Variants in INPP4B observed in about 807,000 individuals in gnomAD.
The protein encoded by INPP4B is inositol polyphosphate-4-phosphatase type II B.
In INPP4B, 55 loss-of-function variants were observed where a neutral mutation model predicts 122.5. That is an observed-to-expected ratio of 0.45 (90% CI 0.36 to 0.56). The LOEUF (loss-of-function observed/expected upper bound fraction) is 0.56. Among genes scored for constraint, INPP4B ranks in the 20% least tolerant of loss-of-function variants. INPP4B has a pLI of 0.00. For synonymous variants in INPP4B, 403 were observed against 388.7 expected (o/e 1.04, Z -0.43); for missense variants, 1,000 against 1,097.7 (o/e 0.91, Z 1.26).
chr4:142,447,794 G>A (rs978154433), intron 3 of INPP4B, among the ~76,000 whole-genome samples: 3 of 152,120 alleles, frequency 2.0e-5, no homozygotes, highest in East Asian at 1.9e-4. Flanking sequence ...CTTGTGGCAC[G>A]AGGAAAATGG....
intron 15 of INPP4B, among the ~76,000 whole-genome samples, chr4:142,181,749 A>C (rs1830861915): frequency 6.6e-6 from 1 of 152,116 alleles, no homozygotes; most frequent in South Asian, 2.1e-4. Context: ...ATTCCTAAAA[A>C]AGTGGTGTTC....
intron 7 of INPP4B, among the ~76,000 whole-genome samples, chr4:142,353,408 G>A (rs901676766): frequency 6.6e-6 from 1 of 151,958 alleles, no homozygotes; most frequent in Non-Finnish European, 1.5e-5. Flanking sequence ...GATCCAACTG[G>A]TCAGATTCCA....
intron 15 of INPP4B, among the ~76,000 whole-genome samples, chr4:142,184,476 C>T (rs113770758): frequency 1.3e-5 from 2 of 152,142 alleles, no homozygotes; most frequent in Non-Finnish European, 2.9e-5. Context: ...GTGTCTGCTA[C>T]CTAATTCTAT....
At chr4:142,246,131 C>T (rs115764661) in intron 11 of INPP4B, among the ~76,000 whole-genome samples, 2,287 of 144,878 alleles carry the variant, frequency 0.016, 169 homozygotes, top group African/African-American at 0.059. Flanking sequence ...TATGTATACA[C>T]ACACATATAT....
intron 2 of INPP4B, among the ~76,000 whole-genome samples, chr4:142,479,490 A>G (rs181814246): frequency 6.6e-6 from 1 of 152,266 alleles, no homozygotes; most frequent in African/African-American, 2.4e-5. Context: ...AAATTATTCT[A>G]CGATAAACAC....
At chr4:142,718,137 T>C (rs1764042811) in intron 2 of INPP4B, among the ~76,000 whole-genome samples, 1 of 151,604 alleles carries the variant, frequency 6.6e-6, no homozygotes, top group Non-Finnish European at 1.5e-5. Flanking sequence ...GTTGAGAAAA[T>C]TTAGAATGCA....
chr4:142,500,317 C>T (rs1020840506), intron 2 of INPP4B, among the ~76,000 whole-genome samples: 2 of 152,112 alleles, frequency 1.3e-5, no homozygotes, highest in African/African-American at 2.4e-5. Context: ...GACTCCTTGC[C>T]CCTGAGGCCA....
intron 7 of INPP4B, among the ~76,000 whole-genome samples, chr4:142,359,584 C>G (rs1488120721): frequency 1.3e-5 from 2 of 151,816 alleles, no homozygotes; most frequent in East Asian, 3.9e-4. Context: ...AAAGGAAAAA[C>G]AAAGCAGTAA....
chr4:142,095,368 A>G (rs189699116), intron 23 of INPP4B, among the ~76,000 whole-genome samples: 2 of 152,326 alleles, frequency 1.3e-5, no homozygotes, highest in Non-Finnish European at 2.9e-5. Context: ...GTGGATCTAA[A>G]AAGTGAAATA....
chr4:142,764,964 A>G (rs1229802971), intron 1 of INPP4B, among the ~76,000 whole-genome samples: 1 of 152,114 alleles, frequency 6.6e-6, no homozygotes, highest in Non-Finnish European at 1.5e-5. Context: ...TAAATAATCT[A>G]CTCTGGGGAT....
intron 2 of INPP4B, among the ~76,000 whole-genome samples, chr4:142,584,872 T>C (rs1487448121): frequency 6.6e-6 from 1 of 152,154 alleles, no homozygotes; most frequent in African/African-American, 2.4e-5. Context: ...ATGAGAGACT[T>C]AGCTACTCTC....
chr4:142,038,684 A>G (rs1436002975), intron 25 of INPP4B, among the ~76,000 whole-genome samples: 1 of 152,124 alleles, frequency 6.6e-6, no homozygotes, highest in Non-Finnish European at 1.5e-5. Context: ...AATAAGAAAA[A>G]TCCATTGCAC....
intron 7 of INPP4B, among the ~76,000 whole-genome samples, chr4:142,326,715 A>T (rs543836418): frequency 7.9e-5 from 12 of 152,232 alleles, no homozygotes; most frequent in Non-Finnish European, 1.3e-4. Context: ...CTGCCCTAGA[A>T]ATACTGTAAA....
At position 142,260,539 on chromosome 4, in the gene INPP4B, G is replaced by T; in HGVS notation, c.641C>A (p.Ala214Asp). The change falls in exon 11 of 26, where the codon GCC (alanine) becomes GAC (aspartate). Residue 214 changes from alanine (A) to aspartate (D), a missense_variant. Ala to Asp is a moderately radical substitution (Grantham distance 126). Transcript: ENST00000262992. ...QKCALVCECTAPESVSGKDNL... is the reference protein window; with the variant it reads ...QKCALVCECTDPESVSGKDNL... ...ATCTTTTCCGCTCACACTTTCCGGG[G>T]CTGTACATTCACATACCAGGGCACA... 2 of 1,607,894 alleles carry T rather than the reference G, an allele frequency of 1.2e-6. No individual in the cohort carries two copies. Among genetic ancestry groups the T allele is most frequent in the Non-Finnish European group, 1.7e-6 (2 of 1,176,814 alleles).
chr4:142,513,785 C>A (rs1283540984), intron 2 of INPP4B, among the ~76,000 whole-genome samples: 1 of 152,238 alleles, frequency 6.6e-6, no homozygotes, highest in Non-Finnish European at 1.5e-5. Context: ...TTCCAAAGGC[C>A]CCCAACGCCT....
chr4:142,572,957 T>C (rs1017893310), intron 2 of INPP4B, among the ~76,000 whole-genome samples: 5 of 152,070 alleles, frequency 3.3e-5, no homozygotes, highest in African/African-American at 1.2e-4. Flanking sequence ...ATCTTGTATG[T>C]ATTACAATAG....
chr4:142,706,378 TAAC>T (rs1054728134), intron 2 of INPP4B, among the ~76,000 whole-genome samples: 2 of 152,210 alleles, frequency 1.3e-5, no homozygotes, highest in African/African-American at 4.8e-5. Context: ...TGATATTTGA[TAAC>T]AATTTTGAGA....
intron 2 of INPP4B, among the ~76,000 whole-genome samples, chr4:142,463,123 T>C (rs1198782786): frequency 6.6e-6 from 1 of 152,224 alleles, no homozygotes; most frequent in African/African-American, 2.4e-5. Context: ...TCTTCAAGTC[T>C]AGCCTTCAGC....
chr4:142,752,439 A>T (rs1244158261), intron 1 of INPP4B, among the ~76,000 whole-genome samples: 1 of 152,050 alleles, frequency 6.6e-6, no homozygotes, highest in African/African-American at 2.4e-5. Flanking sequence ...CACAACCTGA[A>T]TTTCCGCCCA....
Sources: allele counts gnomAD v4.1 joint callset (sites outside exome capture counted in the v4.1 genomes callset), GRCh38; gene constraint gnomAD v4.1.1; transcripts MANE v1.5; gene names NCBI Gene and HGNC (gene_info 2026-07-23, HGNC 2026-07-21).